PKD1L1: variants seen among roughly 807,000 people sequenced by gnomAD.
PKD1L1 encodes the protein polycystin-1-like protein 1.
PKD1L1 carries 236 observed loss-of-function variants against 323.4 expected under a neutral mutation model. That is an observed-to-expected ratio of 0.73 (90% CI 0.66 to 0.81). The LOEUF (loss-of-function observed/expected upper bound fraction) is 0.81, where lower values mean the gene tolerates loss of function less well. Ranked by LOEUF, PKD1L1 falls within the 40% of genes least tolerant of loss-of-function variation. The pLI, the probability that PKD1L1 is intolerant of heterozygous loss-of-function variation, is 0.00. For missense variants in PKD1L1, 3,320 were observed against 3,508.0 expected (o/e 0.95, Z 1.35); for synonymous variants, 1,344 against 1,335.0 (o/e 1.01, Z -0.15).
intron 22 of PKD1L1, among the ~76,000 whole-genome samples, chr7:47,876,735 A>G (rs1271465455): frequency 1.3e-5 from 2 of 152,096 alleles, no homozygotes; most frequent in Non-Finnish European, 2.9e-5. Flanking sequence ...GGGTCACAAT[A>G]TCACAGGCTC....
intron 24 of PKD1L1, among the ~76,000 whole-genome samples, chr7:47,867,859 AAAG>A (rs1348948912): frequency 6.6e-6 from 1 of 152,244 alleles, no homozygotes; most frequent in Non-Finnish European, 1.5e-5. Flanking sequence ...AAATTTGAGA[AAAG>A]AAAGAATCTA....
intron 7 of PKD1L1, among the ~76,000 whole-genome samples, chr7:47,921,110 AC>A (rs748725378): frequency 1.3e-5 from 2 of 152,140 alleles, no homozygotes; most frequent in African/African-American, 2.4e-5. Context: ...CAGACAACCC[AC>A]AGAGTGGGAA....
chr7:47,884,187 C>CG (rs1009590960), intron 19 of PKD1L1, among the ~76,000 whole-genome samples: 1 of 125,690 alleles, frequency 8.0e-6, no homozygotes. Context: ...GGGGGGAAGG[C>CG]GGGGGGAGTG....
Position 47,803,271 on chromosome 7 carries a change from T to C in PKD1L1, c.7901A>G (p.Asn2634Ser), listed in dbSNP as rs758780182. The stretch of plus-strand genomic sequence containing the variant: ...CATGGAGGAGCAGGATGCCATTGTG[T>C]TTTGAATGCCAGGAAGATAGACGCA... Reference protein sequence around the residue: ...LKCVYLPGIQNTMASCSSMMR... With the variant: ...LKCVYLPGIQSTMASCSSMMR... Residue 2634 changes from asparagine (N) to serine (S), a missense_variant, in exon 53 of 57, where the codon AAC (asparagine) becomes AGC (serine). Asn to Ser is a conservative substitution (Grantham distance 46). Transcript: ENST00000289672. 1.2e-6 allele frequency: 2 copies of C among 1,614,086 alleles called. No individual in the cohort carries two copies. Among genetic ancestry groups the C allele is most frequent in the South Asian group, 1.1e-5 (1 of 91,074 alleles).
chr7:47,952,972 G>T (rs1562578294), upstream of PKD1L1, among the ~76,000 whole-genome samples: 1 of 152,134 alleles, frequency 6.6e-6, no homozygotes, highest in Non-Finnish European at 1.5e-5. Flanking sequence ...TTGATAGGCT[G>T]CCCCCAAATG....
rs765571333 is a variant in PKD1L1, at chr7:47,915,581, A to C, written c.1079T>G (p.Leu360Ter). The change falls in exon 8 of 57, where the codon TTA (leucine) becomes TGA (stop). Residue 360 changes from leucine to a stop codon, truncating the protein, a stop_gained. Coordinates refer to ENST00000289672, the MANE Select transcript of PKD1L1 (RefSeq NM_138295.5). LOFTEE classifies it high-confidence loss of function. ...QYSKGIFFHL[L>*]HFQLDMSTYK... The stretch of plus-strand genomic sequence containing the variant: ...GGTGGACATATCCAACTGAAAATGT[A>C]AAAGATGAAAAAAAATACCTATAAA... 12 of 1,536,910 alleles carry C rather than the reference A, an allele frequency of 7.8e-6. No homozygotes were observed. The highest frequency in any genetic ancestry group is 1.9e-5 in the Admixed American group (1 of 53,850).
chr7:47,938,991 A>T (rs1011727162), intron 3 of PKD1L1, among the ~76,000 whole-genome samples: 6 of 152,128 alleles, frequency 3.9e-5, no homozygotes, highest in African/African-American at 1.4e-4. Flanking sequence ...TTGTGTTTGG[A>T]GGTGAGGGCA....
At position 47,834,371 on chromosome 7, in the gene PKD1L1, C is replaced by G. The variant is rs774247890; in HGVS notation, c.6142G>C (p.Gly2048Arg). ...TEAPHGPNSWGRIPDAQEPRK... is the reference protein window; with the variant it reads ...TEAPHGPNSWRRIPDAQEPRK... The stretch of plus-strand genomic sequence containing the variant: ...GGCTCCTGTGCGTCTGGTATCCTTC[C>G]CCAGGAATTAGGACCTGATTCAAAA... Residue 2048 changes from glycine (G) to arginine (R), a missense_variant, in exon 40 of 57, where the codon GGA (glycine) becomes CGA (arginine). By Grantham distance (125) the Gly-to-Arg change is moderately radical (BLOSUM62 -2). Coordinates refer to ENST00000289672, the MANE Select transcript of PKD1L1 (RefSeq NM_138295.5). 4 of 1,613,900 alleles carry G rather than the reference C, an allele frequency of 2.5e-6. No individual in the cohort carries two copies. In the Admixed American group the frequency reaches 6.7e-5, roughly 27 times the overall value.
intron 4 of PKD1L1, among the ~76,000 whole-genome samples, chr7:47,934,776 C>T (rs916968345): frequency 1.1e-4 from 17 of 152,134 alleles, no homozygotes; most frequent in Admixed American, 7.2e-4. Flanking sequence ...GGATTGCGCT[C>T]AGGCCTCAGG....
chr7:47,899,783 T>C (rs747258418), intron 13 of PKD1L1, among the ~76,000 whole-genome samples: 7 of 151,996 alleles, frequency 4.6e-5, no homozygotes, highest in South Asian at 2.1e-4. Flanking sequence ...GGTGAAACCC[T>C]GTTTTTACTA....
chr7:47,919,609 T>C (rs1361592748), intron 7 of PKD1L1, among the ~76,000 whole-genome samples: 2 of 152,242 alleles, frequency 1.3e-5, no homozygotes, highest in East Asian at 3.9e-4. Context: ...TGAACATAGA[T>C]GCTGGAATCC....
In PKD1L1 at chr7:47,855,019, C is replaced by T. The variant is rs1273301908; in HGVS notation, c.4722G>A (p.Thr1574=). 2.5e-5 allele frequency: 41 copies of T among 1,612,550 alleles called. No individual in the cohort carries two copies. The highest frequency in any genetic ancestry group is 3.1e-5 in the Non-Finnish European group (37 of 1,179,712). The part of the protein sequence containing the change: ...EDGLDNRRNK[T]TFVLLRDKVN... Reference sequence around the variant, plus strand: ...CTTTATCCCGAAGTAATACAAATGTCGTTTTATTTCTCCTATTATCCTGTC... The same window carrying T: ...CTTTATCCCGAAGTAATACAAATGTTGTTTTATTTCTCCTATTATCCTGTC... The change falls in exon 30 of 57, where the codon ACG becomes ACA. Residue 1574 remains threonine, a synonymous_variant. Coordinates refer to ENST00000289672, the MANE Select transcript of PKD1L1 (RefSeq NM_138295.5).
At chr7:47,901,371 A>T (rs1186972056) in intron 13 of PKD1L1, among the ~76,000 whole-genome samples, 2 of 151,992 alleles carry the variant, frequency 1.3e-5, no homozygotes, top group Non-Finnish European at 2.9e-5. Flanking sequence ...TGAAATTATC[A>T]ATCTTATTTT....
intron 22 of PKD1L1, among the ~76,000 whole-genome samples, chr7:47,876,513 C>A (rs1786406494): frequency 6.6e-6 from 1 of 152,140 alleles, no homozygotes; most frequent in Non-Finnish European, 1.5e-5. Context: ...TGTCACAGCC[C>A]CCTCAGGGTG....
chr7:47,831,386 A>C, intron 41 of PKD1L1, 34 bp from the exon 42 acceptor site: 1 of 1,584,772 alleles, frequency 6.3e-7, no homozygotes, highest in Non-Finnish European at 8.6e-7. Flanking sequence ...AAGGCAGCTT[A>C]AGAGACCTCG....
chr7:47,948,689 G>T (rs1409901531), upstream of PKD1L1, among the ~76,000 whole-genome samples: 1 of 152,198 alleles, frequency 6.6e-6, no homozygotes, highest in Non-Finnish European at 1.5e-5. Flanking sequence ...CAGACGTGGT[G>T]GCTCATGTCT....
In PKD1L1 at chr7:47,775,181, T is replaced by G; in HGVS notation, c.8527-15A>C. 1 of 1,613,502 alleles carries G rather than the reference T, an allele frequency of 6.2e-7. No homozygotes were observed. The highest frequency in any genetic ancestry group is 2.2e-5 in the East Asian group (1 of 44,820). On this transcript the variant is annotated splice_polypyrimidine_tract_variant and intron_variant, in intron 56 of 56. Coordinates refer to ENST00000289672, the MANE Select transcript of PKD1L1 (RefSeq NM_138295.5). Reference sequence around the variant, plus strand: ...ATGTCTGCTGGCTAAAAAGAAAAAATGAAAAACATACTGAAACAACACCCC... The same window carrying G: ...ATGTCTGCTGGCTAAAAAGAAAAAAGGAAAAACATACTGAAACAACACCCC...
intron 39 of PKD1L1, 52 bp downstream of exon 39, chr7:47,834,915 G>A: frequency 6.6e-7 from 1 of 1,508,816 alleles, no homozygotes; most frequent in Non-Finnish European, 9.1e-7. Flanking sequence ...GTAGATTGGT[G>A]CAAAAGGCTC....
chr7:47,937,374 G>C (rs1325061024), intron 3 of PKD1L1, among the ~76,000 whole-genome samples: 1 of 152,136 alleles, frequency 6.6e-6, no homozygotes, highest in Non-Finnish European at 1.5e-5. Flanking sequence ...GAAGGTGGAG[G>C]CACACCTGCT....
Sources: gnomAD v4.1 joint callset for allele counts (sites outside exome capture counted in the v4.1 genomes callset) on GRCh38, gnomAD v4.1.1 for gene constraint, MANE v1.5 for transcripts, NCBI Gene and HGNC (gene_info 2026-07-23, HGNC 2026-07-21) for gene names.